The following PRKN variants were observed in gnomAD, a reference collection of about 807,000 sequenced individuals.
PRKN encodes the protein parkin RBR E3 ubiquitin protein ligase.
In PRKN, 56 loss-of-function variants were observed where a neutral mutation model predicts 59.5. The ratio of observed to expected loss-of-function variants is 0.94; its 90% CI spans 0.76 to 1.18. PRKN has a LOEUF of 1.18. Ranked by LOEUF, PRKN falls within the 50% of genes most tolerant of loss-of-function variation. The pLI is 0.00. For missense variants in PRKN, 657 were observed against 596.4 expected (o/e 1.10, Z -1.06); for synonymous variants, 250 against 222.1 (o/e 1.13, Z -1.12).
chr6:161,767,213 C>G (rs1351541165), intron 7 of PRKN, among the ~76,000 whole-genome samples: 1 of 152,150 alleles, frequency 6.6e-6, no homozygotes, highest in African/African-American at 2.4e-5. Flanking sequence ...TCAGCATTTC[C>G]CTTACAACAA....
At chr6:162,190,926 T>C (rs986389170) in intron 4 of PRKN, among the ~76,000 whole-genome samples, 6 of 152,182 alleles carry the variant, frequency 3.9e-5, no homozygotes, top group Non-Finnish European at 8.8e-5. Flanking sequence ...AGCTCCTCAG[T>C]GCTCAAACGG....
intron 7 of PRKN, among the ~76,000 whole-genome samples, chr6:161,749,054 T>G (rs2128194085): frequency 6.6e-6 from 1 of 151,232 alleles, no homozygotes; most frequent in South Asian, 2.1e-4. Context: ...GGGGAGGGGG[T>G]CCTTGTACTT....
chr6:161,743,213 C>CTTTTTTTTTTTTTT lies in PRKN; in HGVS notation c.871+42545_871+42558dup, dbSNP rs768890758. 4.1e-4 allele frequency among the ~76,000 whole-genome samples: 35 copies of CTTTTTTTTTTTTTT among 84,572 alleles called. 1 individual carries two copies. The highest frequency in any genetic ancestry group is 5.0e-4 in the Non-Finnish European group (23 of 45,736). The allele number at this position is 84,572 out of a possible 152,430, so 55.5% of individuals were successfully genotyped here. A position where few individuals can be genotyped will look rare whatever the true frequency, so the allele number is the denominator to read the frequency against. ...CTTGCCTGTCTATACTGGTTTCTAC[C>CTTTTTTTTTTTTTT]TTTTTTTTTTTTTTTTTTTTTTTTT... is the stretch of plus-strand genomic sequence containing the variant. On this transcript the variant is annotated intron_variant, in intron 7 of 11. Transcript: ENST00000366898.
chr6:161,874,224 A>ATT (rs796449168), intron 6 of PRKN, among the ~76,000 whole-genome samples: 2 of 38,520 alleles, frequency 5.2e-5, no homozygotes, highest in East Asian at 1.3e-3. Context: ...TATAATATAT[A>ATT]TTATATATAA....
chr6:162,176,245 A>G (rs1478069340), intron 4 of PRKN, among the ~76,000 whole-genome samples: 2 of 152,320 alleles, frequency 1.3e-5, no homozygotes, highest in East Asian at 3.9e-4. Flanking sequence ...CAAGAAAATT[A>G]TGTAGAATTT....
At chr6:161,969,197 T>C (rs1214914120) in intron 6 of PRKN, among the ~76,000 whole-genome samples, 1 of 151,914 alleles carries the variant, frequency 6.6e-6, no homozygotes, top group Non-Finnish European at 1.5e-5. Context: ...ATCACTGTTA[T>C]GACCGTATTC....
intron 2 of PRKN, among the ~76,000 whole-genome samples, chr6:162,375,760 C>CACACACACACAA: frequency 6.6e-6 from 1 of 151,918 alleles, no homozygotes; most frequent in African/African-American, 2.4e-5. Flanking sequence ...CACACACACA[C>CACACACACACAA]ACACAAACAC....
chr6:162,367,115 T>C (rs566025431), intron 2 of PRKN, among the ~76,000 whole-genome samples: 3 of 152,188 alleles, frequency 2.0e-5, no homozygotes, highest in Admixed American at 6.5e-5. Flanking sequence ...GTTCTCATGA[T>C]GTGAATGAGT....
chr6:161,796,114 A>G (rs1167643542), intron 6 of PRKN, among the ~76,000 whole-genome samples: 1 of 152,234 alleles, frequency 6.6e-6, no homozygotes, highest in East Asian at 1.9e-4. Flanking sequence ...CTGGCTACGC[A>G]AAATAGAAAT....
At chr6:162,696,840 T>G (rs2128236084) in intron 1 of PRKN, among the ~76,000 whole-genome samples, 1 of 152,228 alleles carries the variant, frequency 6.6e-6, no homozygotes, top group African/African-American at 2.4e-5. Context: ...GCTACCGCAC[T>G]TAGCCAGGAA....
At chr6:162,136,078 T>C (rs966594479) in intron 4 of PRKN, among the ~76,000 whole-genome samples, 8 of 150,720 alleles carry the variant, frequency 5.3e-5, no homozygotes, top group Admixed American at 5.3e-4. Context: ...TTTCTAAATT[T>C]CTGTTAAAAC....
chr6:161,953,052 A>G (rs373300953), intron 6 of PRKN, among the ~76,000 whole-genome samples: 1 of 152,208 alleles, frequency 6.6e-6, no homozygotes, highest in East Asian at 1.9e-4. Context: ...AAGACACTCT[A>G]AACAGAGTAA....
chr6:162,140,443 A>C (rs1781728012), intron 4 of PRKN, among the ~76,000 whole-genome samples: 1 of 152,198 alleles, frequency 6.6e-6, no homozygotes, highest in Non-Finnish European at 1.5e-5. Flanking sequence ...CAATGAAGAA[A>C]AGCAATCGTG....
chr6:161,694,445 C>T (rs1583016842), intron 7 of PRKN, among the ~76,000 whole-genome samples: 2 of 151,986 alleles, frequency 1.3e-5, no homozygotes, highest in East Asian at 1.9e-4. Flanking sequence ...CAATTAGGCA[C>T]ACAGTGTGCA....
chr6:162,481,158 C>T (rs914878569), intron 1 of PRKN, among the ~76,000 whole-genome samples: 3 of 152,076 alleles, frequency 2.0e-5, no homozygotes, highest in South Asian at 2.1e-4. Flanking sequence ...TTAATGTTCT[C>T]ATATAAAGAA....
intron 4 of PRKN, among the ~76,000 whole-genome samples, chr6:162,057,663 C>G (rs189832899): frequency 6.6e-6 from 1 of 152,312 alleles, no homozygotes; most frequent in Admixed American, 6.5e-5. Context: ...GAGGACCTTT[C>G]TTACTCCTAT....
intron 6 of PRKN, among the ~76,000 whole-genome samples, chr6:161,864,808 C>CAAA: frequency 6.6e-6 from 1 of 151,868 alleles, no homozygotes; most frequent in Middle Eastern, 3.4e-3. Flanking sequence ...AGTCGCCCAC[C>CAAA]ACACCTGGCT....
intron 1 of PRKN, among the ~76,000 whole-genome samples, chr6:162,586,308 G>A (rs2128212939): frequency 6.6e-6 from 1 of 152,240 alleles, no homozygotes; most frequent in East Asian, 1.9e-4. Context: ...TCCTGATATT[G>A]GCATCTCCGA....
chr6:161,805,078 C>T (rs1791249333), intron 6 of PRKN, among the ~76,000 whole-genome samples: 1 of 152,098 alleles, frequency 6.6e-6, no homozygotes, highest in South Asian at 2.1e-4. Context: ...TCCACTTTGC[C>T]TCCCACTACA....
Sources: gnomAD v4.1 joint callset for allele counts (sites outside exome capture counted in the v4.1 genomes callset) on GRCh38, gnomAD v4.1.1 for gene constraint, MANE v1.5 for transcripts, NCBI Gene and HGNC (gene_info 2026-07-23, HGNC 2026-07-21) for gene names.